TMEM178B: variants seen among roughly 807,000 people sequenced by gnomAD.
TMEM178B encodes the protein transmembrane protein 178B.
In TMEM178B, 5 loss-of-function variants were observed where a neutral mutation model predicts 31.0. The ratio of observed to expected loss-of-function variants is 0.16; its 90% CI spans 0.08 to 0.34. The LOEUF (loss-of-function observed/expected upper bound fraction) is 0.34, where lower values mean the gene tolerates loss of function less well. Ranked by LOEUF, TMEM178B falls within the 10% of genes least tolerant of loss-of-function variation. TMEM178B has a pLI of 1.00. For missense variants in TMEM178B, 275 were observed against 400.3 expected, an observed-to-expected ratio of 0.69 and a Z score of 2.67; for synonymous variants, 164 against 164.0, an observed-to-expected ratio of 1.00 and a Z score of 0.00.
rs1001512489 is a variant in TMEM178B, at chr7:141,074,805, G to C, written c.382+113G>C. The C allele has an allele frequency of 3.0e-5, 42 of 1,386,182 alleles. No homozygotes were observed. The highest frequency in any genetic ancestry group is 3.9e-5 in the Non-Finnish European group (41 of 1,057,000). 85.9% of individuals were successfully genotyped at this position (1,386,182 alleles called of 1,614,324 possible). On this transcript the variant is annotated intron_variant, in intron 1 of 3. Coordinates refer to ENST00000565468, the MANE Select transcript of TMEM178B (RefSeq NM_001195278.2). This position sits in a 1 kb window ranked among gnomAD's most constrained non-coding sequence, Gnocchi z 5.1. The stretch of plus-strand genomic sequence containing the variant: ...GCTATCAGGTCTCTGGGTTCCAGGC[G>C]GTCCGGTTATCCAGGCCTGGCTGAG...
intron 1 of TMEM178B, among the ~76,000 whole-genome samples, chr7:141,120,792 C>T (rs1586780716): frequency 6.7e-6 from 1 of 149,066 alleles, no homozygotes; most frequent in African/African-American, 2.5e-5. Context: ...CCTATCTCTA[C>T]AAAAAATAAA....
chr7:141,242,065 T>C (rs1036030377), intron 2 of TMEM178B, among the ~76,000 whole-genome samples: 7 of 152,224 alleles, frequency 4.6e-5, no homozygotes, highest in African/African-American at 1.7e-4. Context: ...ATTCCAGACA[T>C]ATTTAAAAGC....
At chr7:141,373,955 A>C (rs528562792) in intron 2 of TMEM178B, among the ~76,000 whole-genome samples, 1 of 152,198 alleles carries the variant, frequency 6.6e-6, no homozygotes, top group Non-Finnish European at 1.5e-5. Flanking sequence ...ATGAAATCCA[A>C]CTCTGGGGGA....
the TMEM178B span, among the ~76,000 whole-genome samples, chr7:141,500,762 C>A: frequency 1.3e-5 from 2 of 152,160 alleles, no homozygotes; most frequent in Non-Finnish European, 1.5e-5. Context: ...GATCACAAAG[C>A]CTCTGACTAG....
At chr7:141,114,547 T>C (rs1795288232) in intron 1 of TMEM178B, among the ~76,000 whole-genome samples, 1 of 152,242 alleles carries the variant, frequency 6.6e-6, no homozygotes, top group Non-Finnish European at 1.5e-5. Context: ...ACTTGACCAG[T>C]GAATAGGAGC....
At chr7:141,211,363 A>G (rs1797050285) in intron 1 of TMEM178B, among the ~76,000 whole-genome samples, 1 of 152,236 alleles carries the variant, frequency 6.6e-6, no homozygotes, top group Non-Finnish European at 1.5e-5. Context: ...ATTTACAATA[A>G]GGCATCAGTT....
chr7:141,433,786 C>T (rs1238423397), intron 2 of TMEM178B, among the ~76,000 whole-genome samples: 1 of 152,188 alleles, frequency 6.6e-6, no homozygotes, highest in Non-Finnish European at 1.5e-5. Context: ...GTTGCAGCTT[C>T]CCTGAGTTAC....
At chr7:141,481,068 T>C (rs1019153198), downstream of TMEM178B, among the ~76,000 whole-genome samples, 1 of 152,222 alleles carries the variant, frequency 6.6e-6, no homozygotes, top group Non-Finnish European at 1.5e-5. Flanking sequence ...CATCTCATGC[T>C]GATCTGGACC....
At chr7:141,199,416 AATG>A (rs768530581) in intron 1 of TMEM178B, among the ~76,000 whole-genome samples, 1 of 152,366 alleles carries the variant, frequency 6.6e-6, no homozygotes, top group East Asian at 1.9e-4. Context: ...TAGCAAATGC[AATG>A]ATAAGGCAGA....
At chr7:141,480,782 C>T (rs1802462382), downstream of TMEM178B, among the ~76,000 whole-genome samples, 1 of 152,206 alleles carries the variant, frequency 6.6e-6, no homozygotes. Flanking sequence ...TAGTCTTCAT[C>T]AGCTTTGTCC....
intron 1 of TMEM178B, among the ~76,000 whole-genome samples, chr7:141,188,117 G>A (rs868857045): frequency 5.1e-4 from 77 of 152,202 alleles, no homozygotes; most frequent in African/African-American, 1.8e-3. Context: ...ATTAATTTTT[G>A]TATAAGGTGT....
intron 2 of TMEM178B, among the ~76,000 whole-genome samples, chr7:141,382,126 C>T (rs76641717): frequency 0.017 from 2,559 of 152,328 alleles, 44 homozygotes; most frequent in Non-Finnish European, 0.028. Context: ...CAATGCTCCT[C>T]CTATCATCTG....
the TMEM178B span, among the ~76,000 whole-genome samples, chr7:141,488,267 A>C: frequency 6.6e-6 from 1 of 152,186 alleles, no homozygotes; most frequent in Admixed American, 6.5e-5. Context: ...TTTGGTTTCT[A>C]GCCCCCAGAG....
intron 1 of TMEM178B, among the ~76,000 whole-genome samples, chr7:141,124,716 A>T (rs1206960806): frequency 6.6e-6 from 1 of 152,242 alleles, no homozygotes; most frequent in Non-Finnish European, 1.5e-5. Flanking sequence ...AACATATGGT[A>T]TTCTAAGCAT....
At chr7:141,363,229 G>C (rs550440112) in intron 2 of TMEM178B, among the ~76,000 whole-genome samples, 1 of 152,162 alleles carries the variant, frequency 6.6e-6, no homozygotes, top group Admixed American at 6.5e-5. Flanking sequence ...TTCGGGATTC[G>C]CCTTTGCTGG....
intron 3 of TMEM178B, among the ~76,000 whole-genome samples, chr7:141,442,475 C>G (rs1801678993): frequency 6.6e-6 from 1 of 152,128 alleles, no homozygotes; most frequent in South Asian, 2.1e-4. Flanking sequence ...ATCTGAACTC[C>G]TTACACCTCT....
intron 2 of TMEM178B, among the ~76,000 whole-genome samples, chr7:141,248,199 T>C (rs1797769855): frequency 6.6e-6 from 1 of 152,060 alleles, no homozygotes; most frequent in Non-Finnish European, 1.5e-5. Flanking sequence ...TAATTTGAGG[T>C]CAGGAGTTGG....
At chr7:141,370,411 G>A (rs1287165739) in intron 2 of TMEM178B, among the ~76,000 whole-genome samples, 1 of 152,204 alleles carries the variant, frequency 6.6e-6, no homozygotes, top group Non-Finnish European at 1.5e-5. Flanking sequence ...GCTTTGCAAT[G>A]TGCAAAGTGC....
In TMEM178B at chr7:141,074,363, C is replaced by T. The variant is rs1794560467; in HGVS notation, c.53C>T (p.Ala18Val). Residue 18 changes from alanine to valine, a missense_variant, in exon 1 of 4, where the codon GCC (alanine) becomes GTC (valine). Transcript: ENST00000565468. The surrounding 1 kb of genome is among the most constrained non-coding windows in gnomAD (Gnocchi z 5.1). Reference sequence around the variant, plus strand: ...ACTGGCCTCTCGCTAGCGCTCTGCGCCCTCGGCATGCTGGCCGTGGCCATC... The same window carrying T: ...ACTGGCCTCTCGCTAGCGCTCTGCGTCCTCGGCATGCTGGCCGTGGCCATC... ...LYTGLSLALC[A>V]LGMLAVAICS... The T allele has an allele frequency of 6.5e-7, 1 of 1,536,000 alleles. No individual in the cohort carries two copies. The highest frequency in any genetic ancestry group is 1.4e-5 in the African/African-American group (1 of 73,064).
Sources: allele counts gnomAD v4.1 joint callset (sites outside exome capture counted in the v4.1 genomes callset), GRCh38; gene constraint gnomAD v4.1.1; non-coding constraint Gnocchi (gnomAD v3.1); transcripts MANE v1.5; gene names NCBI Gene and HGNC (gene_info 2026-07-23, HGNC 2026-07-21).